LRRC36: variants seen among roughly 807,000 people sequenced by gnomAD.
LRRC36 encodes the protein leucine-rich repeat-containing protein 36.
LRRC36 carries 62 observed loss-of-function variants against 81.1 expected under a neutral mutation model. The ratio of observed to expected loss-of-function variants is 0.76; its 90% CI spans 0.62 to 0.94. The LOEUF (loss-of-function observed/expected upper bound fraction) is 0.94. LRRC36 is among the 40% of genes least tolerant of loss of function. LRRC36 has a pLI of 0.00. For synonymous variants in LRRC36, 334 were observed against 348.6 expected (o/e 0.96, Z 0.47); for missense variants, 761 against 881.7 (o/e 0.86, Z 1.73).
intron 3 of LRRC36, 77 bp downstream of exon 3, chr16:67,346,525 C>A (rs2038356076): frequency 5.6e-6 from 5 of 888,366 alleles, no homozygotes; most frequent in Non-Finnish European, 8.4e-6. Context: ...TGGATGTTGG[C>A]CCACAGTGTG....
rs1045782901 is a variant in LRRC36 at position 67,367,180 on chromosome 16, A to G, written c.918A>G (p.Ser306=). 6.2e-7 allele frequency: 1 copy of G among 1,614,204 alleles called. No individual in the cohort carries two copies. The highest frequency in any genetic ancestry group is 8.5e-7 in the Non-Finnish European group (1 of 1,180,034). ...PDTFHLTHDA[S]LSKCLDVGDS... is the part of the protein sequence containing the mutation. Reference sequence around the variant, plus strand: ...CTTTTCATCTTACCCATGATGCCTCATTGAGTAAATGCCTGGATGTGGGTG... The same window carrying G: ...CTTTTCATCTTACCCATGATGCCTCGTTGAGTAAATGCCTGGATGTGGGTG... The change falls in exon 8 of 14, where the codon TCA becomes TCG. Residue 306 remains serine (S), a synonymous_variant. Transcript: ENST00000329956.
chr16:67,361,205 A>G (rs2039129394), intron 5 of LRRC36, among the ~76,000 whole-genome samples: 1 of 151,760 alleles, frequency 6.6e-6, no homozygotes, highest in Admixed American at 6.6e-5. Context: ...TCATTTTTGT[A>G]TTTTCAATAG....
intron 11 of LRRC36, among the ~76,000 whole-genome samples, 178 bp downstream of exon 11, chr16:67,377,050 C>T (rs1164795271): frequency 6.6e-6 from 1 of 152,178 alleles, no homozygotes; most frequent in Non-Finnish European, 1.5e-5. Context: ...GGATGACTCC[C>T]TCATCCTAAC....
chr16:67,350,327 C>T (rs1486451526), intron 5 of LRRC36, 37 bp downstream of exon 5: 4 of 1,493,176 alleles, frequency 2.7e-6, no homozygotes, highest in Non-Finnish European at 3.7e-6. Flanking sequence ...ATGATTAAAA[C>T]ATCAGTTATC....
At chr16:67,366,346 G>T (rs892724435) in intron 7 of LRRC36, among the ~76,000 whole-genome samples, 1 of 152,048 alleles carries the variant, frequency 6.6e-6, no homozygotes, top group Non-Finnish European at 1.5e-5. Context: ...CAGGCACAGT[G>T]GCTCATGCCT....
chr16:67,333,225 A>G (rs2037584109), intron 1 of LRRC36, among the ~76,000 whole-genome samples: 2 of 152,034 alleles, frequency 1.3e-5, no homozygotes. Flanking sequence ...CCTCTATCCC[A>G]GGTTCAAGTG....
intron 1 of LRRC36, among the ~76,000 whole-genome samples, chr16:67,330,309 G>T (rs1179280915): frequency 2.0e-5 from 3 of 152,060 alleles, no homozygotes; most frequent in African/African-American, 7.2e-5. Context: ...ATTCATTAGG[G>T]ATTGCAAAAT....
chr16:67,335,874 G>A (rs1301059195), intron 1 of LRRC36, among the ~76,000 whole-genome samples: 3 of 151,826 alleles, frequency 2.0e-5, no homozygotes, highest in Admixed American at 6.6e-5. Flanking sequence ...CTGGGATTAC[G>A]GGCATGTGCC....
intron 13 of LRRC36, among the ~76,000 whole-genome samples, chr16:67,382,941 C>T (rs987304545): frequency 9.9e-5 from 15 of 151,998 alleles, no homozygotes; most frequent in Admixed American, 4.6e-4. Flanking sequence ...AAGTTTAAGG[C>T]GCGTGCCTGT....
At chr16:67,334,225 G>C (rs180688251) in intron 1 of LRRC36, among the ~76,000 whole-genome samples, 22 of 151,888 alleles carry the variant, frequency 1.4e-4, no homozygotes, top group African/African-American at 3.1e-4. Context: ...TAGAGACCGG[G>C]TTTCACCATG....
At position 67,370,999 on chromosome 16, in the gene LRRC36, G is replaced by A. The variant is rs367698342; in HGVS notation, c.1251G>A (p.Glu417=). 6.2e-7 allele frequency: 1 copy of A among 1,614,116 alleles called. No homozygotes were observed. Residue 417 remains glutamate, a synonymous_variant, in exon 9 of 14, where the codon GAG becomes GAA. Coordinates refer to ENST00000329956, the MANE Select transcript of LRRC36 (RefSeq NM_018296.6). The part of the protein sequence containing the change: ...NSDPAVLVNV[E]QQLSTSLDDL... ...ACCCTGCTGTACTTGTCAATGTAGA[G>A]CAACAATTATCTACCAGCCTGGATG...
chr16:67,350,169 T>C, intron 4 of LRRC36, 33 bp from the exon 5 acceptor site: 1 of 1,463,836 alleles, frequency 6.8e-7, no homozygotes, highest in Middle Eastern at 1.8e-4. Flanking sequence ...TTTTTTTTTT[T>C]TTGAGTTGTA....
At chr16:67,327,027 C>T in intron 1 of LRRC36, 95 bp downstream of exon 1, 1 of 1,185,058 alleles carries the variant, frequency 8.4e-7, no homozygotes, top group Non-Finnish European at 1.1e-6. Flanking sequence ...GAGATAGAGG[C>T]GAGGGAACCA....
At chr16:67,374,825 TCTTTTTCA>T (rs1342795905) in intron 9 of LRRC36, among the ~76,000 whole-genome samples, 1 of 152,130 alleles carries the variant, frequency 6.6e-6, no homozygotes, top group Non-Finnish European at 1.5e-5. Context: ...GATGAAATCA[TCTTTTTCA>T]CTTTTTAAAA....
At chr16:67,364,935 C>T (rs991986473) in intron 6 of LRRC36, among the ~76,000 whole-genome samples, 1 of 152,048 alleles carries the variant, frequency 6.6e-6, no homozygotes, top group African/African-American at 2.4e-5. Context: ...CTATTAAAAC[C>T]CCCTTAGCTA....
Position 67,354,605 on chromosome 16 carries a change from AT to A in LRRC36, c.577+4321del, listed in dbSNP as rs201019605. 5.8e-3 allele frequency among the ~76,000 whole-genome samples: 876 copies of A among 152,238 alleles called. 12 individuals carry two copies. The South Asian group carries it at 0.062, about 11-fold the overall frequency. ...TAATCTGATTTTTAAAACATATTTT[AT>A]TTTTTAGAACAGTTTTAGATTCACA... On this transcript the variant is annotated intron_variant, in intron 5 of 13. Coordinates refer to ENST00000329956, the MANE Select transcript of LRRC36 (RefSeq NM_018296.6).
At chr16:67,346,040 T>C (rs1049706896) in intron 2 of LRRC36, among the ~76,000 whole-genome samples, 3 of 152,196 alleles carry the variant, frequency 2.0e-5, no homozygotes, top group Non-Finnish European at 4.4e-5. Context: ...AAATGTATTA[T>C]ATATGTGAAT....
chr16:67,366,650 T>G (rs139703262), intron 7 of LRRC36, among the ~76,000 whole-genome samples: 9 of 151,964 alleles, frequency 5.9e-5, no homozygotes, highest in Non-Finnish European at 1.0e-4. Flanking sequence ...TTCGGGAGGC[T>G]GAGGTACGAG....
In LRRC36 at chr16:67,334,142, C is replaced by T. The variant is rs928016859; in HGVS notation, c.70+7210C>T. Among the ~76,000 whole-genome samples the T allele has an allele frequency of 2.0e-5, 3 of 150,700 alleles. No individual in the cohort carries two copies. The East Asian group carries it at 6.0e-4, about 30-fold the overall frequency. Reference sequence around the variant, plus strand: ...TGTCTCCCAGATTCACACCATTCTCCTGCCTCAGCCTCCCGAGTAGCTGGG... The same window carrying T: ...TGTCTCCCAGATTCACACCATTCTCTTGCCTCAGCCTCCCGAGTAGCTGGG... On this transcript the variant is annotated intron_variant, in intron 1 of 13. Coordinates refer to ENST00000329956, the MANE Select transcript of LRRC36 (RefSeq NM_018296.6).
Sources: allele counts gnomAD v4.1 joint callset (sites outside exome capture counted in the v4.1 genomes callset), GRCh38; gene constraint gnomAD v4.1.1; transcripts MANE v1.5; gene names NCBI Gene and HGNC (gene_info 2026-07-23, HGNC 2026-07-21).